The following IRAK2 variants were observed in gnomAD, a reference collection of about 807,000 sequenced individuals.
The protein encoded by IRAK2 is interleukin-1 receptor-associated kinase-like 2.
Under a neutral mutation model 72.0 loss-of-function variants are expected in IRAK2, and 57 were observed. That is an observed-to-expected ratio of 0.79 (90% CI 0.64 to 0.99). The LOEUF (loss-of-function observed/expected upper bound fraction) is 0.99, where lower values mean the gene tolerates loss of function less well. Ranked by LOEUF, IRAK2 falls within the 50% of genes least tolerant of loss-of-function variation. IRAK2 has a pLI of 0.00. For synonymous variants in IRAK2, 293 were observed against 312.7 expected, an observed-to-expected ratio of 0.94 and a Z score of 0.67; for missense variants, 790 against 794.4, an observed-to-expected ratio of 0.99 and a Z score of 0.07.
intron 3 of IRAK2, among the ~76,000 whole-genome samples, chr3:10,201,230 A>G (rs1021940958): frequency 6.6e-6 from 1 of 152,228 alleles, no homozygotes; most frequent in African/African-American, 2.4e-5. Context: ...TTCATGGATG[A>G]GAAAACTAAA....
At chr3:10,242,045 G>A in intron 12 of IRAK2, 71 bp from the exon 13 acceptor site, 2 of 847,132 alleles carry the variant, frequency 2.4e-6, no homozygotes, top group Middle Eastern at 2.3e-4. Flanking sequence ...CCTGATTTAA[G>A]TGACTTTAAG....
intron 2 of IRAK2, among the ~76,000 whole-genome samples, chr3:10,181,347 C>T (rs921438885): frequency 7.9e-5 from 12 of 152,076 alleles, no homozygotes; most frequent in African/African-American, 4.8e-5. Context: ...TGGTGGCTCA[C>T]GCGTGTAATC....
chr3:10,177,271 C>G (rs887473133), intron 1 of IRAK2, among the ~76,000 whole-genome samples: 1 of 152,138 alleles, frequency 6.6e-6, no homozygotes, highest in South Asian at 2.1e-4. Flanking sequence ...AGGACTGGGA[C>G]TTAGCTGAGA....
intron 3 of IRAK2, among the ~76,000 whole-genome samples, chr3:10,201,629 C>T (rs1184362018): frequency 1.3e-5 from 2 of 152,232 alleles, no homozygotes; most frequent in Non-Finnish European, 2.9e-5. Context: ...CGCCTGTGCC[C>T]AGGCAAGGGC....
intron 3 of IRAK2, among the ~76,000 whole-genome samples, chr3:10,205,856 G>A (rs1309864682): frequency 5.9e-5 from 9 of 152,226 alleles, no homozygotes; most frequent in Admixed American, 6.5e-5. Context: ...CTTGGAGACC[G>A]GATGAACATA....
chr3:10,207,665 G>T (rs924061766), intron 3 of IRAK2, among the ~76,000 whole-genome samples: 1 of 152,076 alleles, frequency 6.6e-6, no homozygotes, highest in South Asian at 2.1e-4. Flanking sequence ...CAAACATTCC[G>T]TCTTGTGAAT....
chr3:10,240,882 T>G (rs547515888), intron 12 of IRAK2, among the ~76,000 whole-genome samples: 3 of 151,864 alleles, frequency 2.0e-5, no homozygotes, highest in African/African-American at 7.2e-5. Context: ...CAATGCAGTG[T>G]CCCTGTCCCT....
rs754645552 is a variant in IRAK2 at position 10,209,559 on chromosome 3, G to A, written c.425-30G>A. ...CCCTCCTGTCTTCCTCCCCGAGGCT[G>A]CATCCTGACCCATAGTCCCTCCTTT... On this transcript the variant is annotated intron_variant, in intron 3 of 12. Coordinates refer to ENST00000256458, the MANE Select transcript of IRAK2 (RefSeq NM_001570.4). The A allele has an allele frequency of 2.4e-5, 34 of 1,430,688 alleles. No homozygotes were observed. The South Asian group carries it at 4.1e-4, about 17-fold the overall frequency. 88.6% of individuals were successfully genotyped at this position (1,430,688 alleles called of 1,614,324 possible).
At chr3:10,204,500 A>G (rs1397562650) in intron 3 of IRAK2, among the ~76,000 whole-genome samples, 1 of 152,132 alleles carries the variant, frequency 6.6e-6, no homozygotes, top group Non-Finnish European at 1.5e-5. Context: ...TCAGTAGAAT[A>G]GCAACAAAAA....
At chr3:10,212,804 A>G (rs6766117) in intron 4 of IRAK2, among the ~76,000 whole-genome samples, 46,459 of 134,982 alleles carry the variant, frequency 0.34, 8,185 homozygotes, top group Middle Eastern at 0.43. Flanking sequence ...TCGCTCTGTC[A>G]CCCAGGCTGG....
chr3:10,239,469 G>T (rs893020925), intron 12 of IRAK2, among the ~76,000 whole-genome samples: 4 of 152,164 alleles, frequency 2.6e-5, no homozygotes, highest in African/African-American at 4.8e-5. Flanking sequence ...AGCACTTTGG[G>T]AGGCCGAGGC....
chr3:10,198,644 C>T (rs900272974), intron 2 of IRAK2, among the ~76,000 whole-genome samples: 3 of 152,136 alleles, frequency 2.0e-5, no homozygotes, highest in Non-Finnish European at 4.4e-5. Flanking sequence ...CGGTGCCATA[C>T]CAGTGTGGTG....
rs1394678680 is a variant in IRAK2, at chr3:10,242,730, T to C, written c.*502T>C. 1 of 152,230 alleles carries C rather than the reference T, an allele frequency of 6.6e-6. No individual in the cohort carries two copies. Among genetic ancestry groups the C allele is most frequent in the Non-Finnish European group, 1.5e-5 (1 of 68,072 alleles). 9.4% of individuals were successfully genotyped at this position (152,230 alleles called of 1,614,324 possible). A position where few individuals can be genotyped will look rare whatever the true frequency, so the allele number is the denominator to read the frequency against. ...TTAATTTTTTTGTAGAGATGGGGTC[T>C]CGCTTTGTTGGCGCAATCCTCCCAC... On this transcript the variant is annotated 3_prime_UTR_variant, in exon 13 of 13. Transcript: ENST00000256458.
At chr3:10,202,858 A>G (rs1144912) in intron 3 of IRAK2, among the ~76,000 whole-genome samples, 94,628 of 151,586 alleles carry the variant, frequency 0.62, 30,842 homozygotes, top group Non-Finnish European at 0.72. Context: ...CGGCCGGCTA[A>G]TTTTTTATTT....
At chr3:10,172,773 G>A (rs1696817854) in intron 1 of IRAK2, among the ~76,000 whole-genome samples, 1 of 149,296 alleles carries the variant, frequency 6.7e-6, no homozygotes, top group Non-Finnish European at 1.5e-5. Flanking sequence ...AGGAGGTGGA[G>A]GTTGTGGTGA....
Position 10,182,368 on chromosome 3 carries a change from C to T in IRAK2, c.277+4348C>T, listed in dbSNP as rs541941448. Among the ~76,000 whole-genome samples, 130 of 150,516 alleles carry T rather than the reference C, an allele frequency of 8.6e-4. 1 individual carries two copies. The highest frequency in any genetic ancestry group is 8.4e-3 in the Admixed American group (127 of 15,092). ...CACGATCTCGGCTCACTGCAAGCTC[C>T]GCCTCCCAGGTTCATGCCATTCTCC... On this transcript the variant is annotated intron_variant, in intron 2 of 12. Transcript: ENST00000256458.
intron 12 of IRAK2, 126 bp from the exon 13 acceptor site, chr3:10,241,990 A>AT: frequency 3.9e-6 from 2 of 507,910 alleles, no homozygotes; most frequent in Non-Finnish European, 6.9e-6. Context: ...AAAAAAGAAA[A>AT]AAAAAAAAAG....
intron 7 of IRAK2, among the ~76,000 whole-genome samples, chr3:10,218,020 G>A (rs556961846): frequency 6.8e-4 from 103 of 152,332 alleles, no homozygotes; most frequent in Non-Finnish European, 1.1e-3. Flanking sequence ...TCAGGCCAGA[G>A]CTTACATTGG....
In IRAK2 at chr3:10,211,972, C is replaced by T. The variant is rs186810563; in HGVS notation, c.529-1235C>T. On this transcript the variant is annotated intron_variant, in intron 4 of 12. Coordinates refer to ENST00000256458, the MANE Select transcript of IRAK2 (RefSeq NM_001570.4). ...GTGGGTGCCTGTAGTCCCAGCTGCT[C>T]GGGAGACTGAGGAAGGAGAATGGCG... Among the ~76,000 whole-genome samples, 622 of 150,522 alleles carry T rather than the reference C, an allele frequency of 4.1e-3. 2 individuals are homozygous for T. The highest frequency in any genetic ancestry group is 0.015 in the African/African-American group (601 of 40,936).
Sources: allele counts gnomAD v4.1 joint callset (sites outside exome capture counted in the v4.1 genomes callset), GRCh38; gene constraint gnomAD v4.1.1; transcripts MANE v1.5; gene names NCBI Gene and HGNC (gene_info 2026-07-23, HGNC 2026-07-21).